POT1: variants seen among roughly 807,000 people sequenced by gnomAD.
POT1 encodes the protein protection of telomeres 1, also known as protection of telomeres protein 1.
Under a neutral mutation model 78.5 loss-of-function variants are expected in POT1, and 47 were observed. That is an observed-to-expected ratio of 0.60 (90% confidence interval 0.47 to 0.76). The LOEUF is 0.76. Ranked by LOEUF, POT1 falls within the 30% of genes least tolerant of loss-of-function variation. The pLI is 0.00. For missense variants in POT1, 646 were observed against 749.9 expected, an observed-to-expected ratio of 0.86 and a Z score of 1.62; for synonymous variants, 259 against 260.7, an observed-to-expected ratio of 0.99 and a Z score of 0.06.
chr7:124,889,620 G>C (rs940947584), intron 6 of POT1, among the ~76,000 whole-genome samples: 1 of 152,002 alleles, frequency 6.6e-6, no homozygotes, highest in Non-Finnish European at 1.5e-5. Flanking sequence ...TCACTCTCTT[G>C]TGAGAGTCTA....
chr7:124,883,280 T>C (rs1796164691), intron 6 of POT1, among the ~76,000 whole-genome samples: 1 of 152,024 alleles, frequency 6.6e-6, no homozygotes, highest in African/African-American at 2.4e-5. Context: ...AGGTTCTATC[T>C]TACATAGCCA....
At chr7:124,851,776 T>C in intron 11 of POT1, 96 bp downstream of exon 11, 1 of 896,880 alleles carries the variant, frequency 1.1e-6, no homozygotes, top group Middle Eastern at 3.3e-4. Flanking sequence ...AAATTATTAA[T>C]AAGAGAGACA....
chr7:124,824,002 T>C lies in POT1; in HGVS notation c.1865A>G (p.Tyr622Cys), dbSNP rs760062934. Residue 622 changes from tyrosine (Y) to cysteine (C), a missense_variant, in exon 19 of 19, where the codon TAT becomes TGT. Tyr to Cys is a radical substitution (Grantham distance 194, BLOSUM62 -2). Coordinates refer to ENST00000357628, the MANE Select transcript of POT1 (RefSeq NM_015450.3). Reference protein sequence around the residue: ...VTNGTDNQICYQIFDTTVAED... With the variant: ...VTNGTDNQICCQIFDTTVAED... ...TGCAACTGTGGTGTCAAAAATCTGATAGCAAATTTGATTATCTGTTCCATT... is the reference window on the plus strand; with the variant it reads ...TGCAACTGTGGTGTCAAAAATCTGACAGCAAATTTGATTATCTGTTCCATT... 7 of 1,606,294 alleles carry C rather than the reference T, an allele frequency of 4.4e-6. No homozygotes were observed. The highest frequency in any genetic ancestry group is 3.3e-5 in the Admixed American group (2 of 59,708).
At chr7:124,867,333 A>G (rs945280406) in intron 7 of POT1, among the ~76,000 whole-genome samples, 2 of 152,106 alleles carry the variant, frequency 1.3e-5, no homozygotes, top group African/African-American at 4.8e-5. Flanking sequence ...ATTTGAACCA[A>G]TAATTTCATG....
chr7:124,881,958 C>A (rs1796129294), intron 6 of POT1, among the ~76,000 whole-genome samples: 2 of 152,060 alleles, frequency 1.3e-5, no homozygotes, highest in Admixed American at 6.5e-5. Flanking sequence ...TGACAAAGTA[C>A]TTAACTAGTT....
intron 6 of POT1, among the ~76,000 whole-genome samples, chr7:124,888,503 C>A (rs1035698375): frequency 1.3e-5 from 2 of 151,904 alleles, no homozygotes; most frequent in African/African-American, 4.8e-5. Context: ...ATAGAAAATG[C>A]TACTTGGATT....
At chr7:124,882,450 C>T (rs1563003345) in intron 6 of POT1, among the ~76,000 whole-genome samples, 1 of 151,876 alleles carries the variant, frequency 6.6e-6, no homozygotes, top group East Asian at 1.9e-4. Flanking sequence ...TACATAATTT[C>T]CACTTGTGCT....
chr7:124,916,536 G>A (rs1797019100), intron 2 of POT1, among the ~76,000 whole-genome samples: 1 of 152,032 alleles, frequency 6.6e-6, no homozygotes, highest in African/African-American at 2.4e-5. Context: ...TACTTCTAAT[G>A]AGAATAAAAC....
chr7:124,846,501 CATTAA>C (rs775478123), intron 12 of POT1, among the ~76,000 whole-genome samples: 92 of 152,008 alleles, frequency 6.1e-4, no homozygotes, highest in Non-Finnish European at 9.7e-4. Flanking sequence ...TCATTACTAA[CATTAA>C]ATTAAAATTT....
chr7:124,901,367 G>C (rs907809044), intron 3 of POT1, among the ~76,000 whole-genome samples: 2 of 152,190 alleles, frequency 1.3e-5, no homozygotes, highest in African/African-American at 4.8e-5. Context: ...AGCCTCTGCT[G>C]GTGATACCCA....
At chr7:124,869,140 T>C (rs1274751678) in intron 7 of POT1, among the ~76,000 whole-genome samples, 1 of 152,190 alleles carries the variant, frequency 6.6e-6, no homozygotes, top group East Asian at 1.9e-4. Context: ...AATGGAGCCA[T>C]GCATGGTCTG....
chr7:124,871,186 G>T, intron 6 of POT1, 145 bp from the exon 7 acceptor site: 1 of 577,772 alleles, frequency 1.7e-6, no homozygotes, highest in Non-Finnish European at 2.6e-6. Context: ...CATTTTCTTG[G>T]CTTTCAATAC....
Position 124,881,283 on chromosome 7 carries a change from G to A in POT1, c.125-10242C>T, listed in dbSNP as rs1370007023. Among the ~76,000 whole-genome samples the A allele has an allele frequency of 5.3e-5, 8 of 151,780 alleles. No individual in the cohort carries two copies. The South Asian group carries it at 8.3e-4, about 16-fold the overall frequency. On this transcript the variant is annotated intron_variant, in intron 6 of 18. Transcript: ENST00000357628. ...CTGTTATGCCAATATTAAGTGCCAC[G>A]TATCAGGTTTCTACACATGCTCCAT... is the stretch of plus-strand genomic sequence containing the variant.
chr7:124,843,063 GCT>G, intron 12 of POT1, 100 bp from the exon 13 acceptor site: 1 of 858,154 alleles, frequency 1.2e-6, no homozygotes, highest in East Asian at 2.9e-5. Context: ...ATTAATTTAA[GCT>G]CTATTAAGTG....
chr7:124,915,052 C>T (rs78885813), intron 3 of POT1, among the ~76,000 whole-genome samples: 1,775 of 152,190 alleles, frequency 0.012, 42 homozygotes, highest in African/African-American at 0.039. Flanking sequence ...TCCTCATTCC[C>T]CTAAAATGTA....
chr7:124,855,438 A>G (rs1487962832), intron 9 of POT1, among the ~76,000 whole-genome samples: 2 of 151,858 alleles, frequency 1.3e-5, no homozygotes, highest in Non-Finnish European at 2.9e-5. Flanking sequence ...TTATTCACAT[A>G]AAGATAAGTT....
chr7:124,921,023 G>A (rs1264999423), intron 2 of POT1, among the ~76,000 whole-genome samples: 1 of 152,098 alleles, frequency 6.6e-6, no homozygotes, highest in Admixed American at 6.6e-5. Context: ...CTTGAGCCCA[G>A]GAGTTTGAGG....
In POT1 at chr7:124,829,055, G is replaced by A. The variant is rs191456904; in HGVS notation, c.1594+199C>T. Reference sequence around the variant, plus strand: ...TAAGGCATAGGGGAAAGTATGTGACGGTGCCTGCTTGAAGAAATACAGACT... The same window carrying A: ...TAAGGCATAGGGGAAAGTATGTGACAGTGCCTGCTTGAAGAAATACAGACT... On this transcript the variant is annotated intron_variant, in intron 16 of 18. Transcript: ENST00000357628. 1.5e-3 allele frequency: 1,117 copies of A among 752,562 alleles called. 3 individuals carry two copies. Among genetic ancestry groups the A allele is most frequent in the Non-Finnish European group, 1.6e-3 (631 of 405,084 alleles). 46.6% of individuals were successfully genotyped at this position (752,562 alleles called of 1,614,324 possible).
chr7:124,885,886 C>T (rs2116612656), intron 6 of POT1, among the ~76,000 whole-genome samples: 1 of 152,196 alleles, frequency 6.6e-6, no homozygotes, highest in East Asian at 1.9e-4. Context: ...CAGTTTTCAT[C>T]ATTAATCTTA....
Sources: gnomAD v4.1 joint callset for allele counts (sites outside exome capture counted in the v4.1 genomes callset) on GRCh38, gnomAD v4.1.1 for gene constraint, MANE v1.5 for transcripts, NCBI Gene and HGNC (gene_info 2026-07-23, HGNC 2026-07-21) for gene names.